Variants in AGPAT4 observed in about 807,000 individuals in gnomAD.
AGPAT4 encodes the protein 1-acylglycerol-3-phosphate O-acyltransferase 4.
AGPAT4 carries 15 observed loss-of-function variants against 48.0 expected under a neutral mutation model. The ratio of observed to expected loss-of-function variants is 0.31; its 90% CI spans 0.21 to 0.48. AGPAT4 has a LOEUF of 0.48. Among genes scored for constraint, AGPAT4 ranks in the 20% least tolerant of loss-of-function variants. The probability of loss-of-function intolerance (pLI) is 0.99; values close to 1 mark genes in which losing one functional copy is unlikely to be tolerated. For missense variants in AGPAT4, 314 were observed against 482.5 expected (o/e 0.65, Z 3.27); for synonymous variants, 178 against 198.7 (o/e 0.90, Z 0.88).
At position 161,240,587 on chromosome 6, in the gene AGPAT4, G is replaced by A. The variant is rs997488113; in HGVS notation, c.-89-8285C>T. ...GAGCAGCACAGCTAAAGTGGGGACA[G>A]CTGGCAGATTGTTTCTGAACCAATA... On this transcript the variant is annotated intron_variant, in intron 1 of 8. Coordinates refer to ENST00000320285, the MANE Select transcript of AGPAT4 (RefSeq NM_020133.3). The surrounding 1 kb of genome is among the most constrained non-coding windows in gnomAD (Gnocchi z 5.5). Among the ~76,000 whole-genome samples, 1 of 152,184 alleles carries A rather than the reference G, an allele frequency of 6.6e-6. No homozygotes were observed. Among genetic ancestry groups the A allele is most frequent in the African/African-American group, 2.4e-5 (1 of 41,454 alleles).
chr6:161,156,531 T>C (rs1048409128), intron 3 of AGPAT4, among the ~76,000 whole-genome samples: 2 of 152,256 alleles, frequency 1.3e-5, no homozygotes, highest in Non-Finnish European at 2.9e-5. Context: ...TGGTTTACTG[T>C]ATAATACTAA....
rs1780711875 is a variant in AGPAT4 at position 161,184,547 on chromosome 6, C to G, written c.179-18130G>C. On this transcript the variant is annotated intron_variant, in intron 2 of 8. Transcript: ENST00000320285. The surrounding 1 kb of genome is among the most constrained non-coding windows in gnomAD (Gnocchi z 4.8). ...CTCGTGATGTTCTGTGTAGCCCTGG[C>G]CTCCCCTGGCCCTGCCCCGGACCCC... 6.6e-6 allele frequency among the ~76,000 whole-genome samples: 1 copy of G among 151,926 alleles called. No individual in the cohort carries two copies.
rs944809468 is a variant in AGPAT4 at position 161,133,841 on chromosome 6, G to C, written c.*2699C>G. 2.0e-5 allele frequency: 3 copies of C among 152,232 alleles called. No individual in the cohort carries two copies. Among genetic ancestry groups the C allele is most frequent in the Admixed American group, 6.5e-5 (1 of 15,290 alleles). 9.4% of individuals were successfully genotyped at this position (152,232 alleles called of 1,614,324 possible). On this transcript the variant is annotated 3_prime_UTR_variant, in exon 9 of 9. Coordinates refer to ENST00000320285, the MANE Select transcript of AGPAT4 (RefSeq NM_020133.3). ...AGACAGACAGGAAGTGTAGCTCTTA[G>C]TCTATGGGGCTCTCCTTAGGGGACA...
At chr6:161,263,128 C>T (rs1321111875) in intron 1 of AGPAT4, among the ~76,000 whole-genome samples, 1 of 29,016 alleles carries the variant, frequency 3.4e-5, no homozygotes, top group Non-Finnish European at 5.7e-5. Context: ...TTTCTCACAC[C>T]TGCCTGCCCC....
Position 161,142,502 on chromosome 6 carries a change from G to A in AGPAT4, c.844-2882C>T, listed in dbSNP as rs912798125. Among the ~76,000 whole-genome samples the A allele has an allele frequency of 6.6e-6, 1 of 152,192 alleles. No homozygotes were observed. The highest frequency in any genetic ancestry group is 2.4e-5 in the African/African-American group (1 of 41,438). On this transcript the variant is annotated intron_variant, in intron 7 of 8. Transcript: ENST00000320285. The surrounding 1 kb of genome is among the most constrained non-coding windows in gnomAD (Gnocchi z 6.4). The stretch of plus-strand genomic sequence containing the variant: ...AGAAGCATCAACCTACAAGCCAAGA[G>A]GAGAACGAGATCCTATTGAGAGGCG...
In AGPAT4 at chr6:161,272,141, T is replaced by C. The variant is rs1249270481; in HGVS notation, c.-90+1797A>G. On this transcript the variant is annotated intron_variant, in intron 1 of 8. Coordinates refer to ENST00000320285, the MANE Select transcript of AGPAT4 (RefSeq NM_020133.3). This position sits in a 1 kb window ranked among gnomAD's most constrained non-coding sequence, Gnocchi z 4.2. ...AGGTAACTTTTCTACCTGAATTACT[T>C]AGGACCTCTGGATTTATAGCAGATT... Among the ~76,000 whole-genome samples the C allele has an allele frequency of 1.3e-5, 2 of 152,208 alleles. No individual in the cohort carries two copies. Among genetic ancestry groups the C allele is most frequent in the Admixed American group, 6.5e-5 (1 of 15,282 alleles).
intron 2 of AGPAT4, among the ~76,000 whole-genome samples, chr6:161,230,014 T>C (rs1163060421): frequency 1.3e-5 from 2 of 152,234 alleles, no homozygotes; most frequent in South Asian, 2.1e-4. Context: ...TGGTTAATTC[T>C]TGAGTTTCAT....
Position 161,245,081 on chromosome 6 carries a change from A to C in AGPAT4, c.-89-12779T>G, listed in dbSNP as rs573072230. Reference sequence around the variant, plus strand: ...CTGGCAACTTATTTTGCAGTGGCCTATGCCAACCAGGGTAGAAACCTCCTT... The same window carrying C: ...CTGGCAACTTATTTTGCAGTGGCCTCTGCCAACCAGGGTAGAAACCTCCTT... On this transcript the variant is annotated intron_variant, in intron 1 of 8. Transcript: ENST00000320285. The surrounding 1 kb of genome is among the most constrained non-coding windows in gnomAD (Gnocchi z 5.2). Among the ~76,000 whole-genome samples, 2 of 152,406 alleles carry C rather than the reference A, an allele frequency of 1.3e-5. No individual in the cohort carries two copies. The highest frequency in any genetic ancestry group is 1.9e-4 in the East Asian group (1 of 5,194).
intron 2 of AGPAT4, among the ~76,000 whole-genome samples, chr6:161,230,918 A>G (rs1298511090): frequency 6.6e-6 from 1 of 152,238 alleles, no homozygotes; most frequent in African/African-American, 2.4e-5. Flanking sequence ...GAAAAAAGTC[A>G]TAAATAAAGA....
intron 2 of AGPAT4, among the ~76,000 whole-genome samples, chr6:161,213,731 CTTG>C (rs1781575366): frequency 6.6e-6 from 1 of 152,114 alleles, no homozygotes; most frequent in South Asian, 2.1e-4. Flanking sequence ...TGTTCTTTTG[CTTG>C]TTGTTGTTTG....
rs1781954127 is a variant in AGPAT4 at position 161,225,540 on chromosome 6, C to A, written c.178+6496G>T. Among the ~76,000 whole-genome samples, 1 of 152,190 alleles carries A rather than the reference C, an allele frequency of 6.6e-6. No homozygotes were observed. Among genetic ancestry groups the A allele is most frequent in the Non-Finnish European group, 1.5e-5 (1 of 68,038 alleles). On this transcript the variant is annotated intron_variant, in intron 2 of 8. Transcript: ENST00000320285. This position sits in a 1 kb window ranked among gnomAD's most constrained non-coding sequence, Gnocchi z 5.0. ...AATTCCCTGTCACTTCCTGAGGTCTCCCAGGAGATACACCCCTTAGAACTA... is the reference window on the plus strand; with the variant it reads ...AATTCCCTGTCACTTCCTGAGGTCTACCAGGAGATACACCCCTTAGAACTA...
chr6:161,234,467 T>C lies in AGPAT4; in HGVS notation c.-89-2165A>G, dbSNP rs1364845913. ...GGCATTTCCACAGATATTTCCAGGC[T>C]GGAAAACTCCTTACTGAGTTTCAAC... On this transcript the variant is annotated intron_variant, in intron 1 of 8. Coordinates refer to ENST00000320285, the MANE Select transcript of AGPAT4 (RefSeq NM_020133.3). This position sits in a 1 kb window ranked among gnomAD's most constrained non-coding sequence, Gnocchi z 4.4. Among the ~76,000 whole-genome samples, 3 of 152,150 alleles carry C rather than the reference T, an allele frequency of 2.0e-5. No individual in the cohort carries two copies. In the South Asian group the frequency reaches 6.2e-4, roughly 32 times the overall value.
rs140403578 is a variant in AGPAT4, at chr6:161,194,477, C to T, written c.179-28060G>A. 1.4e-3 allele frequency among the ~76,000 whole-genome samples: 200 copies of T among 146,626 alleles called. 1 individual carries two copies. The highest frequency in any genetic ancestry group is 4.7e-3 in the African/African-American group (178 of 37,820). ...GTGTGTGTGTGTGTGTTAGAATATG[C>T]GCATGTATGTGTGTATGTGTGTGTG... is the stretch of plus-strand genomic sequence containing the variant. On this transcript the variant is annotated intron_variant, in intron 2 of 8. Transcript: ENST00000320285.
rs1179099867 is a variant in AGPAT4 at position 161,246,154 on chromosome 6, TCTTA to T, written c.-89-13856_-89-13853del. Among the ~76,000 whole-genome samples the T allele has an allele frequency of 6.6e-6, 1 of 152,202 alleles. No homozygotes were observed. The highest frequency in any genetic ancestry group is 1.5e-5 in the Non-Finnish European group (1 of 68,040). ...ACATGTGTCAGGGCCTTCTCTCTCT[TCTTA>T]CTTCAGTCATCAAGCTCAGAGCAAA... is the stretch of plus-strand genomic sequence containing the variant. On this transcript the variant is annotated intron_variant, in intron 1 of 8. Transcript: ENST00000320285. This position sits in a 1 kb window ranked among gnomAD's most constrained non-coding sequence, Gnocchi z 5.5.
rs559147178 is a variant in AGPAT4 at position 161,157,939 on chromosome 6, T to C, written c.349-3629A>G. On this transcript the variant is annotated intron_variant, in intron 3 of 8. Transcript: ENST00000320285. ...TGTGTGATGAGGAAGACAACACATA[T>C]TCCCTGGTGTCCCTGTAAAGACTGA... is the stretch of plus-strand genomic sequence containing the variant. Among the ~76,000 whole-genome samples the C allele has an allele frequency of 2.0e-5, 3 of 152,318 alleles. No individual in the cohort carries two copies. In the South Asian group the frequency reaches 6.2e-4, roughly 32 times the overall value.
chr6:161,154,385 A>G lies in AGPAT4; in HGVS notation c.349-75T>C. The G allele has an allele frequency of 6.4e-7, 1 of 1,570,866 alleles. No individual in the cohort carries two copies. Among genetic ancestry groups the G allele is most frequent in the South Asian group, 1.1e-5 (1 of 88,650 alleles). ...ACCTGCCGGGGCTGTTGGAGACTGA[A>G]GTAGAAAAAGAGGAGGGGACGTTCA... is the stretch of plus-strand genomic sequence containing the variant. On this transcript the variant is annotated intron_variant, in intron 3 of 8. Coordinates refer to ENST00000320285, the MANE Select transcript of AGPAT4 (RefSeq NM_020133.3). The surrounding 1 kb of genome is among the most constrained non-coding windows in gnomAD (Gnocchi z 7.8).
In AGPAT4 at chr6:161,177,765, C is replaced by T. The variant is rs990425655; in HGVS notation, c.179-11348G>A. ...ATTTTCAGCTTTTCTGCTCTGGTTT[C>T]TCCCCATCTTTGTGGTTTTATCTAC... On this transcript the variant is annotated intron_variant, in intron 2 of 8. Transcript: ENST00000320285. The surrounding 1 kb of genome is among the most constrained non-coding windows in gnomAD (Gnocchi z 5.0). Among the ~76,000 whole-genome samples the T allele has an allele frequency of 5.9e-5, 9 of 152,166 alleles. No homozygotes were observed. Among genetic ancestry groups the T allele is most frequent in the Non-Finnish European group, 1.3e-4 (9 of 68,028 alleles).
At position 161,240,453 on chromosome 6, in the gene AGPAT4, A is replaced by G. The variant is rs75893573; in HGVS notation, c.-89-8151T>C. Among the ~76,000 whole-genome samples the G allele has an allele frequency of 0.019, 2,936 of 152,284 alleles. 47 individuals are homozygous for G. The highest frequency in any genetic ancestry group is 0.033 in the Admixed American group (511 of 15,300). On this transcript the variant is annotated intron_variant, in intron 1 of 8. Coordinates refer to ENST00000320285, the MANE Select transcript of AGPAT4 (RefSeq NM_020133.3). The surrounding 1 kb of genome is among the most constrained non-coding windows in gnomAD (Gnocchi z 5.5). ...ACTCTTCCTGAACAGTGATTAAGCG[A>G]TCCAGCTCTGCCACTCTTCCCCAAC...
At position 161,171,761 on chromosome 6, in the gene AGPAT4, G is replaced by A. The variant is rs201070611; in HGVS notation, c.179-5344C>T. On this transcript the variant is annotated intron_variant, in intron 2 of 8. Transcript: ENST00000320285. This position sits in a 1 kb window ranked among gnomAD's most constrained non-coding sequence, Gnocchi z 4.4. ...AAAAAAAAAAAAAAATTAGCTGGGCGTGGTGGCAGGCACCTGTAGTCCCAG... is the reference window on the plus strand; with the variant it reads ...AAAAAAAAAAAAAAATTAGCTGGGCATGGTGGCAGGCACCTGTAGTCCCAG... 1.3e-5 allele frequency among the ~76,000 whole-genome samples: 2 copies of A among 151,748 alleles called. No individual in the cohort carries two copies. The highest frequency in any genetic ancestry group is 2.4e-5 in the African/African-American group (1 of 41,398).
Sources: gnomAD v4.1 joint callset for allele counts (sites outside exome capture counted in the v4.1 genomes callset) on GRCh38, gnomAD v4.1.1 for gene constraint, Gnocchi (gnomAD v3.1) non-coding constraint, MANE v1.5 for transcripts, NCBI Gene and HGNC (gene_info 2026-07-23, HGNC 2026-07-21) for gene names.